The following TPO variants were observed in gnomAD, a reference collection of about 807,000 sequenced individuals.
TPO encodes the protein thyroid microsomal antigen.
A neutral mutation model predicts 96.9 loss-of-function variants in TPO; 78 were observed. That is an observed-to-expected ratio of 0.81 (90% confidence interval 0.67 to 0.97). The LOEUF (loss-of-function observed/expected upper bound fraction) is 0.97, where lower values mean the gene tolerates loss of function less well. Ranked by LOEUF, TPO falls within the 50% of genes least tolerant of loss-of-function variation. The pLI is 0.00. For missense variants in TPO, 1,252 were observed against 1,274.8 expected, an observed-to-expected ratio of 0.98 and a Z score of 0.27; for synonymous variants, 547 against 538.0, an observed-to-expected ratio of 1.02 and a Z score of -0.23.
chr2:1,475,271 T>A (rs554596211), intron 7 of TPO, among the ~76,000 whole-genome samples: 1 of 152,314 alleles, frequency 6.6e-6, no homozygotes, highest in South Asian at 2.1e-4. Context: ...GGGCGTGCAC[T>A]GAAGTTCCGG....
chr2:1,489,567 G>A (rs1180343153), intron 10 of TPO, among the ~76,000 whole-genome samples: 1 of 152,216 alleles, frequency 6.6e-6, no homozygotes, highest in Non-Finnish European at 1.5e-5. Flanking sequence ...GTAAGCCCAG[G>A]AGGAAGGGCT....
chr2:1,450,371 G>A (rs1451927810), intron 5 of TPO, among the ~76,000 whole-genome samples: 1 of 152,200 alleles, frequency 6.6e-6, no homozygotes, highest in African/African-American at 2.4e-5. Flanking sequence ...AGGTGCCTGG[G>A]AGAGGGGAAC....
intron 1 of TPO, among the ~76,000 whole-genome samples, chr2:1,394,134 A>G (rs1053940361): frequency 3.3e-5 from 5 of 152,212 alleles, no homozygotes; most frequent in Admixed American, 1.3e-4. Flanking sequence ...TACATCCACT[A>G]TCACCTTCCA....
intron 16 of TPO, chr2:1,540,941 T>G (rs992048483): frequency 6.6e-7 from 1 of 1,526,284 alleles, no homozygotes; most frequent in African/African-American, 1.4e-5. Context: ...TGCCTTCCAT[T>G]TGTACAAACC....
Position 1,484,794 on chromosome 2 carries a change from G to A in TPO, c.1537G>A (p.Asp513Asn), listed in dbSNP as rs1483637719. ...RLDASFQEHP[D>N]LPGLWLHQAF... ...GGACGCCAGCTTCCAGGAGCACCCC[G>A]ACCTGCCCGGGCTGTGGCTGCACCA... is the stretch of plus-strand genomic sequence containing the variant. The change falls in exon 9 of 17, where the codon GAC (aspartate) becomes AAC (asparagine). Residue 513 changes from aspartate to asparagine, a missense_variant. Physicochemically the swap from Asp to Asn is conservative, Grantham distance 23 (BLOSUM62 1). Coordinates refer to ENST00000329066, the MANE Select transcript of TPO (RefSeq NM_001206744.2). 17 of 1,614,026 alleles carry A rather than the reference G, an allele frequency of 1.1e-5. No homozygotes were observed. The highest frequency in any genetic ancestry group is 1.4e-5 in the Non-Finnish European group (16 of 1,180,024).
chr2:1,490,566 C>T (rs1671684874), intron 10 of TPO, among the ~76,000 whole-genome samples: 1 of 151,612 alleles, frequency 6.6e-6, no homozygotes, highest in Non-Finnish European at 1.5e-5. Context: ...TGTGTTAGCA[C>T]TCTATACCCC....
rs549716152 is a variant in TPO at position 1,521,552 on chromosome 2, T to A, written c.2618+4570T>A. Among the ~76,000 whole-genome samples the A allele has an allele frequency of 2.0e-4, 30 of 152,142 alleles. No individual in the cohort carries two copies. In the East Asian group the frequency reaches 5.6e-3, roughly 28 times the overall value. On this transcript the variant is annotated intron_variant, in intron 15 of 16. Coordinates refer to ENST00000329066, the MANE Select transcript of TPO (RefSeq NM_001206744.2). ...TGGGGTAGAGACGGCCTGAGTCTCT[T>A]GAGATGGAGTCTGAAGCTTCTGGTC...
In TPO at chr2:1,496,754, C is replaced by T; in HGVS notation, c.2375C>T (p.Pro792Leu). Residue 792 changes from proline to leucine, a missense_variant, in exon 13 of 17, where the codon CCC (proline) becomes CTC (leucine). Coordinates refer to ENST00000329066, the MANE Select transcript of TPO (RefSeq NM_001206744.2). Reference protein sequence around the residue: ...CTQEGWDFQPPLCKDVNECAD... With the variant: ...CTQEGWDFQPLLCKDVNECAD... ...CAGGAAGGATGGGATTTCCAGCCTC[C>T]CCTCTGCAAAGGTCAGTCCTTTCTT... 6.2e-7 allele frequency: 1 copy of T among 1,614,116 alleles called. No homozygotes were observed. Among genetic ancestry groups the T allele is most frequent in the Non-Finnish European group, 8.5e-7 (1 of 1,180,032 alleles).
At position 1,459,372 on chromosome 2, in the gene TPO, G is replaced by A. The variant is rs548879610; in HGVS notation, c.819+3090G>A. Among the ~76,000 whole-genome samples, 9 of 152,008 alleles carry A rather than the reference G, an allele frequency of 5.9e-5. No homozygotes were observed. In the East Asian group the frequency reaches 1.2e-3, roughly 20 times the overall value. ...TCACCATGTTGGCCAGGCTGGTCTCGAACTCCTGACCTTGGGATCCGCCTG... is the reference window on the plus strand; with the variant it reads ...TCACCATGTTGGCCAGGCTGGTCTCAAACTCCTGACCTTGGGATCCGCCTG... On this transcript the variant is annotated intron_variant, in intron 7 of 16. Transcript: ENST00000329066.
At chr2:1,497,873 A>G (rs567538871) in intron 13 of TPO, among the ~76,000 whole-genome samples, 14 of 152,088 alleles carry the variant, frequency 9.2e-5, no homozygotes, top group Non-Finnish European at 1.3e-4. Context: ...CAGTTTTCTC[A>G]GAGTTTTCAG....
chr2:1,430,162 T>C (rs1664835341), intron 3 of TPO, among the ~76,000 whole-genome samples: 1 of 152,172 alleles, frequency 6.6e-6, no homozygotes, highest in Non-Finnish European at 1.5e-5. Context: ...CTTCAGAGTC[T>C]AGACCTTGGG....
At chr2:1,530,054 C>G (rs1339650578) in intron 15 of TPO, among the ~76,000 whole-genome samples, 1 of 145,798 alleles carries the variant, frequency 6.9e-6, no homozygotes, top group African/African-American at 2.6e-5. Flanking sequence ...TGCAACCTCC[C>G]CAAGTCTCCC....
intron 12 of TPO, 75 bp downstream of exon 12, chr2:1,496,272 C>G: frequency 6.7e-7 from 1 of 1,501,384 alleles, no homozygotes; most frequent in Non-Finnish European, 9.1e-7. Context: ...TCCCCAGGAG[C>G]TGATTTTAAC....
chr2:1,456,127 G>T lies in TPO; in HGVS notation c.664G>T (p.Asp222Tyr), dbSNP rs745399159. 1.9e-6 allele frequency: 3 copies of T among 1,614,078 alleles called. No individual in the cohort carries two copies. The East Asian group carries it at 6.7e-5, about 36-fold the overall frequency. Residue 222 changes from aspartate to tyrosine, a missense_variant, in exon 7 of 17, where the codon GAT (aspartate) becomes TAT (tyrosine). Asp to Tyr is a radical substitution (Grantham distance 160). Coordinates refer to ENST00000329066, the MANE Select transcript of TPO (RefSeq NM_001206744.2). Reference protein sequence around the residue: ...VIQVSNEVVTDDDRYSDLLMA... With the variant: ...VIQVSNEVVTYDDRYSDLLMA... The stretch of plus-strand genomic sequence containing the variant: ...TCAAGTTTCAAATGAGGTTGTCACA[G>T]ATGATGACCGCTATTCTGACCTCCT...
At chr2:1,401,352 G>A (rs892023472) in intron 1 of TPO, among the ~76,000 whole-genome samples, 29 of 152,210 alleles carry the variant, frequency 1.9e-4, no homozygotes, top group African/African-American at 6.0e-4. Flanking sequence ...GGAAGACAGA[G>A]ACAATGCACC....
At chr2:1,460,007 C>T (rs2148612528) in intron 7 of TPO, among the ~76,000 whole-genome samples, 1 of 151,492 alleles carries the variant, frequency 6.6e-6, no homozygotes, top group Non-Finnish European at 1.5e-5. Context: ...GCAATCTCAG[C>T]TCACTGCAAC....
chr2:1,442,397 T>C (rs1413050621), intron 5 of TPO, among the ~76,000 whole-genome samples: 1 of 152,234 alleles, frequency 6.6e-6, no homozygotes, highest in Non-Finnish European at 1.5e-5. Flanking sequence ...CTCTGTGGTC[T>C]AAATCAATGG....
intron 15 of TPO, among the ~76,000 whole-genome samples, chr2:1,535,414 CCTA>C (rs1164036477): frequency 8.4e-5 from 8 of 95,758 alleles, no homozygotes. Flanking sequence ...CCCAAATCCC[CCTA>C]CTGTGTGCAA....
intron 5 of TPO, among the ~76,000 whole-genome samples, chr2:1,447,565 C>G (rs1245428248): frequency 1.3e-5 from 2 of 152,178 alleles, no homozygotes; most frequent in Admixed American, 6.5e-5. Flanking sequence ...ATATCTGGCT[C>G]AGAATAAATC....
Sources: gnomAD v4.1 joint callset for allele counts (sites outside exome capture counted in the v4.1 genomes callset) on GRCh38, gnomAD v4.1.1 for gene constraint, MANE v1.5 for transcripts, NCBI Gene and HGNC (gene_info 2026-07-23, HGNC 2026-07-21) for gene names.